Variants in SPOCK1 observed in about 807,000 individuals in gnomAD.
SPOCK1 encodes the protein SPARC (osteonectin), cwcv and kazal like domains proteoglycan 1.
In SPOCK1, 23 loss-of-function variants were observed where a neutral mutation model predicts 55.3. That is an observed-to-expected ratio of 0.42 (90% CI 0.30 to 0.59). The LOEUF is 0.59. Among genes scored for constraint, SPOCK1 ranks in the 20% least tolerant of loss-of-function variants. The pLI is 0.22. For missense variants in SPOCK1, 499 were observed against 552.5 expected, an observed-to-expected ratio of 0.90 and a Z score of 0.97; for synonymous variants, 226 against 221.0, an observed-to-expected ratio of 1.02 and a Z score of -0.20.
At chr5:137,045,092 C>T (rs1462839599) in intron 6 of SPOCK1, among the ~76,000 whole-genome samples, 31 of 149,110 alleles carry the variant, frequency 2.1e-4, no homozygotes, top group African/African-American at 7.5e-5. Context: ...TGAATAATGC[C>T]GCAATAAACA....
At chr5:137,104,558 G>A (rs28567576) in intron 5 of SPOCK1, among the ~76,000 whole-genome samples, 26,902 of 152,122 alleles carry the variant, frequency 0.18, 2,567 homozygotes, top group Non-Finnish European at 0.21. Flanking sequence ...GTTAGGAACC[G>A]GCCCACAGCA....
chr5:137,234,586 T>G (rs1333132395), intron 3 of SPOCK1, among the ~76,000 whole-genome samples: 2 of 152,230 alleles, frequency 1.3e-5, no homozygotes, highest in Non-Finnish European at 2.9e-5. Flanking sequence ...CCATTGTATC[T>G]TTTTAAAAGT....
In SPOCK1 at chr5:137,132,901, C is replaced by G. The variant is rs141405932; in HGVS notation, c.347+7679G>C. 3.1e-3 allele frequency among the ~76,000 whole-genome samples: 479 copies of G among 152,230 alleles called. 3 individuals carry two copies. The highest frequency in any genetic ancestry group is 0.011 in the African/African-American group (448 of 41,528). On this transcript the variant is annotated intron_variant, in intron 4 of 10. Transcript: ENST00000394945. Reference sequence around the variant, plus strand: ...TCTTGAGGGCACATCTAGAAACTACCAGGCCAGGCAGGAGGTAGGAGTCTC... The same window carrying G: ...TCTTGAGGGCACATCTAGAAACTACGAGGCCAGGCAGGAGGTAGGAGTCTC...
chr5:137,285,311 A>T (rs1757241161), intron 2 of SPOCK1, among the ~76,000 whole-genome samples: 1 of 152,224 alleles, frequency 6.6e-6, no homozygotes, highest in Non-Finnish European at 1.5e-5. Flanking sequence ...ATGCTCAACC[A>T]CAGCAGCACA....
intron 2 of SPOCK1, among the ~76,000 whole-genome samples, chr5:137,455,328 T>C (rs764291075): frequency 1.3e-5 from 2 of 152,142 alleles, no homozygotes; most frequent in African/African-American, 4.8e-5. Context: ...CAGTAACTCA[T>C]CAAGAAGGAA....
intron 2 of SPOCK1, among the ~76,000 whole-genome samples, chr5:137,479,789 C>T (rs937527839): frequency 6.6e-5 from 10 of 152,308 alleles, no homozygotes; most frequent in African/African-American, 2.2e-4. Flanking sequence ...GTGTGATTAA[C>T]ATGGAGTTAT....
At chr5:137,036,222 C>G (rs1167724373) in intron 6 of SPOCK1, among the ~76,000 whole-genome samples, 2 of 152,050 alleles carry the variant, frequency 1.3e-5, no homozygotes, top group Non-Finnish European at 2.9e-5. Context: ...TCTAATTAAC[C>G]CTTATCCATC....
chr5:137,311,225 A>G (rs1254042554), intron 2 of SPOCK1, among the ~76,000 whole-genome samples: 1 of 152,230 alleles, frequency 6.6e-6, no homozygotes, highest in Non-Finnish European at 1.5e-5. Flanking sequence ...TAACCAGAAC[A>G]AAAGCACTGA....
chr5:137,074,983 G>A (rs767480673), intron 5 of SPOCK1, among the ~76,000 whole-genome samples: 43 of 152,212 alleles, frequency 2.8e-4, no homozygotes, highest in Admixed American at 3.9e-4. Context: ...GATTACAGGC[G>A]TGAGTCACCG....
At chr5:137,244,794 T>TC (rs35454696) in intron 3 of SPOCK1, among the ~76,000 whole-genome samples, 4,531 of 152,288 alleles carry the variant, frequency 0.03, 88 homozygotes, top group Non-Finnish European at 0.045. Flanking sequence ...GTGCCCTTTT[T>TC]CCCACCCGAT....
intron 2 of SPOCK1, among the ~76,000 whole-genome samples, chr5:137,298,610 G>T (rs1757531712): frequency 6.6e-6 from 1 of 152,118 alleles, no homozygotes; most frequent in Non-Finnish European, 1.5e-5. Flanking sequence ...CCAGCTACAA[G>T]AGAGAATCTG....
At position 137,498,418 on chromosome 5, in the gene SPOCK1, G is replaced by C. The variant is rs1174443879; in HGVS notation, c.141C>G (p.Thr47=). 4 of 1,608,678 alleles carry C rather than the reference G, an allele frequency of 2.5e-6. No homozygotes were observed. The highest frequency in any genetic ancestry group is 1.1e-5 in the South Asian group (1 of 90,310). The change falls in exon 2 of 11, where the codon ACC becomes ACG. Residue 47 remains threonine, a synonymous_variant. Coordinates refer to ENST00000394945, the MANE Select transcript of SPOCK1 (RefSeq NM_004598.4). ...ACTTGTCCCGGTCGTACTGGGAGACGGTGCTCAGCCACTGGTCATTGTCTA... is the reference window on the plus strand; with the variant it reads ...ACTTGTCCCGGTCGTACTGGGAGACCGTGCTCAGCCACTGGTCATTGTCTA... ...NFLDNDQWLS[T]VSQYDRDKYW... is the part of the protein sequence containing the mutation.
intron 4 of SPOCK1, among the ~76,000 whole-genome samples, chr5:137,133,369 C>CAAAA (rs576091633): frequency 8.3e-6 from 1 of 120,228 alleles, no homozygotes; most frequent in Non-Finnish European, 1.7e-5. Context: ...GACTCCATCT[C>CAAAA]AAAAAAAAAA....
intron 2 of SPOCK1, among the ~76,000 whole-genome samples, chr5:137,341,206 G>T (rs553709747): frequency 1.4e-4 from 21 of 152,362 alleles, no homozygotes; most frequent in Non-Finnish European, 2.8e-4. Context: ...TGCTCTGCAA[G>T]GCAAGGTCTC....
intron 6 of SPOCK1, among the ~76,000 whole-genome samples, chr5:137,049,024 G>T (rs1752152616): frequency 7.2e-6 from 1 of 139,260 alleles, no homozygotes. Context: ...TTAGTCTGAT[G>T]GGCTTTCCTT....
At chr5:137,461,282 C>A (rs1352492588) in intron 2 of SPOCK1, among the ~76,000 whole-genome samples, 3 of 152,204 alleles carry the variant, frequency 2.0e-5, no homozygotes, top group Non-Finnish European at 4.4e-5. Flanking sequence ...GTATGTGATG[C>A]TCAAGCAGAT....
intron 6 of SPOCK1, among the ~76,000 whole-genome samples, chr5:137,060,825 AGAGGACC>A (rs1415279273): frequency 1.3e-5 from 2 of 152,188 alleles, no homozygotes; most frequent in African/African-American, 4.8e-5. Context: ...AATAGACTTC[AGAGGACC>A]AGGAAAACCT....
chr5:137,111,665 G>A (rs867389216), intron 5 of SPOCK1, among the ~76,000 whole-genome samples: 5 of 152,214 alleles, frequency 3.3e-5, no homozygotes, highest in African/African-American at 1.2e-4. Flanking sequence ...AGAGTTCCAA[G>A]AACAAATTAT....
intron 6 of SPOCK1, among the ~76,000 whole-genome samples, chr5:137,024,907 T>C (rs1400271666): frequency 6.6e-6 from 1 of 152,190 alleles, no homozygotes; most frequent in African/African-American, 2.4e-5. Context: ...TATGTACATA[T>C]AATGGATTAT....
Sources: allele counts gnomAD v4.1 joint callset (sites outside exome capture counted in the v4.1 genomes callset), GRCh38; gene constraint gnomAD v4.1.1; transcripts MANE v1.5; gene names NCBI Gene and HGNC (gene_info 2026-07-23, HGNC 2026-07-21).